RAB38: variants seen among roughly 807,000 people sequenced by gnomAD.
The protein encoded by RAB38 is ras-related protein Rab-38.
In RAB38, 15 loss-of-function variants were observed where a neutral mutation model predicts 18.4. The observed-to-expected ratio is 0.82, with a 90% CI of 0.55 to 1.26. The LOEUF (loss-of-function observed/expected upper bound fraction) is 1.26, where lower values mean the gene tolerates loss of function less well. RAB38 is among the 50% of genes most tolerant of loss of function. The pLI is 0.00. For missense variants in RAB38, 294 were observed against 267.4 expected, an observed-to-expected ratio of 1.10 and a Z score of -0.69; for synonymous variants, 101 against 104.4, an observed-to-expected ratio of 0.97 and a Z score of 0.20.
At chr11:87,955,196 T>G in the RAB38 span, among the ~76,000 whole-genome samples, 2 of 152,194 alleles carry the variant, frequency 1.3e-5, no homozygotes, top group Non-Finnish European at 1.5e-5. Flanking sequence ...CTCTTCCACA[T>G]GCTTTCATTT....
the RAB38 span, among the ~76,000 whole-genome samples, chr11:87,916,697 C>A: frequency 6.6e-6 from 1 of 152,138 alleles, no homozygotes; most frequent in Non-Finnish European, 1.5e-5. Context: ...GTCTTTCTCT[C>A]CTTCTTACTT....
At chr11:87,904,394 A>T in the RAB38 span, among the ~76,000 whole-genome samples, 18 of 151,950 alleles carry the variant, frequency 1.2e-4, no homozygotes, top group East Asian at 2.3e-3. Flanking sequence ...CTCCAGCTGC[A>T]TCCATGTTGC....
chr11:88,076,084 T>A, the RAB38 span, among the ~76,000 whole-genome samples: 1 of 150,894 alleles, frequency 6.6e-6, no homozygotes, highest in Non-Finnish European at 1.5e-5. Context: ...CCAGACTGAC[T>A]AAAAAAGAGA....
intron 1 of RAB38, among the ~76,000 whole-genome samples, chr11:88,150,992 AAG>A (rs1943057322): frequency 6.6e-6 from 1 of 152,186 alleles, no homozygotes; most frequent in Non-Finnish European, 1.5e-5. Flanking sequence ...CCTATTGGAT[AAG>A]AAAAGCTCTC....
the RAB38 span, among the ~76,000 whole-genome samples, chr11:88,034,691 T>G: frequency 6.6e-6 from 1 of 152,228 alleles, no homozygotes; most frequent in East Asian, 1.9e-4. Context: ...GTTTCCTAAT[T>G]GGATTTTTTT....
At chr11:87,856,874 A>ATTT in the RAB38 span, among the ~76,000 whole-genome samples, 7 of 151,718 alleles carry the variant, frequency 4.6e-5, no homozygotes, top group South Asian at 2.1e-4. Context: ...CTTTTTTTTA[A>ATTT]AAATTATACT....
At chr11:88,164,823 TTTTAA>T (rs1476688225) in intron 1 of RAB38, among the ~76,000 whole-genome samples, 3 of 152,042 alleles carry the variant, frequency 2.0e-5, no homozygotes, top group East Asian at 1.9e-4. Context: ...TGTATTTTTT[TTTTAA>T]TTTAAGATAC....
the RAB38 span, among the ~76,000 whole-genome samples, chr11:87,855,574 A>C: frequency 4.6e-5 from 7 of 152,192 alleles, no homozygotes; most frequent in Non-Finnish European, 4.4e-5. Flanking sequence ...GAATAGAAAA[A>C]ATACAGTGAA....
chr11:88,132,113 G>A (rs529137326), intron 2 of RAB38, among the ~76,000 whole-genome samples: 25 of 152,324 alleles, frequency 1.6e-4, no homozygotes, highest in African/African-American at 5.5e-4. Flanking sequence ...AAGAATCTGA[G>A]TAAAGGACCC....
chr11:88,093,409 AG>A, the RAB38 span, among the ~76,000 whole-genome samples: 1 of 151,902 alleles, frequency 6.6e-6, no homozygotes, highest in East Asian at 1.9e-4. Flanking sequence ...AGTTTATTTC[AG>A]GGGTAATAAA....
In RAB38 at chr11:88,137,394, T is replaced by C. The variant is rs1456199232; in HGVS notation, c.483+12281A>G. On this transcript the variant is annotated intron_variant, in intron 2 of 2. Coordinates refer to ENST00000243662, the MANE Select transcript of RAB38 (RefSeq NM_022337.3). ...GCATCTTCACAAATATAATCAACTA[T>C]CACATTCTTAGGATTTTTGAAAAAG... Among the ~76,000 whole-genome samples the C allele has an allele frequency of 2.0e-5, 3 of 152,138 alleles. No individual in the cohort carries two copies. In the South Asian group the frequency reaches 6.2e-4, roughly 32 times the overall value.
the RAB38 span, among the ~76,000 whole-genome samples, chr11:87,872,289 ATAGAC>A: frequency 6.6e-6 from 1 of 151,456 alleles, no homozygotes; most frequent in Non-Finnish European, 1.5e-5. Context: ...ATTTTTTCCT[ATAGAC>A]TATATTTTTA....
chr11:88,157,015 G>C (rs948824207), intron 1 of RAB38, among the ~76,000 whole-genome samples: 1 of 152,152 alleles, frequency 6.6e-6, no homozygotes, highest in Non-Finnish European at 1.5e-5. Flanking sequence ...GAATGTAAAT[G>C]GTCTAAGCTC....
chr11:87,804,691 T>C, the RAB38 span, among the ~76,000 whole-genome samples: 1 of 152,168 alleles, frequency 6.6e-6, no homozygotes, highest in African/African-American at 2.4e-5. Context: ...AAAACTTATC[T>C]GGGAATTCCA....
At chr11:87,976,784 T>C in the RAB38 span, among the ~76,000 whole-genome samples, 1 of 118,120 alleles carries the variant, frequency 8.5e-6, no homozygotes, top group Non-Finnish European at 1.6e-5. Flanking sequence ...ATTTATATAT[T>C]ATATAATATA....
At chr11:87,823,752 A>G in the RAB38 span, among the ~76,000 whole-genome samples, 1 of 152,190 alleles carries the variant, frequency 6.6e-6, no homozygotes, top group South Asian at 2.1e-4. Context: ...CCAAATGCTC[A>G]TCAATAGATG....
downstream of RAB38, among the ~76,000 whole-genome samples, chr11:88,112,200 T>C (rs1942482481): frequency 1.3e-5 from 2 of 152,222 alleles, no homozygotes; most frequent in Admixed American, 6.5e-5. Flanking sequence ...CCAGATTCTG[T>C]AGTTCATTTG....
At chr11:87,843,514 T>G in the RAB38 span, among the ~76,000 whole-genome samples, 1 of 152,190 alleles carries the variant, frequency 6.6e-6, no homozygotes, top group African/African-American at 2.4e-5. Flanking sequence ...GGTTGCACCT[T>G]AAGTGCTTCT....
chr11:87,914,627 A>G, the RAB38 span, among the ~76,000 whole-genome samples: 3 of 152,168 alleles, frequency 2.0e-5, no homozygotes, highest in East Asian at 5.8e-4. Context: ...AGAGGAATCC[A>G]AGGGTGCAGT....
Sources: allele counts gnomAD v4.1 joint callset (sites outside exome capture counted in the v4.1 genomes callset), GRCh38; gene constraint gnomAD v4.1.1; transcripts MANE v1.5; gene names NCBI Gene and HGNC (gene_info 2026-07-23, HGNC 2026-07-21).